GFRA1: variants seen among roughly 807,000 people sequenced by gnomAD.
GFRA1 encodes the protein GDNF family receptor alpha 1.
In GFRA1, 16 loss-of-function variants were observed where a neutral mutation model predicts 51.6. The observed-to-expected ratio is 0.31, with a 90% CI of 0.21 to 0.47. The LOEUF (loss-of-function observed/expected upper bound fraction) is 0.47, where lower values mean the gene tolerates loss of function less well. Ranked by LOEUF, GFRA1 falls within the 20% of genes least tolerant of loss-of-function variation. The pLI is 1.00. For synonymous variants in GFRA1, 270 were observed against 241.3 expected (o/e 1.12, Z -1.10); for missense variants, 530 against 594.3 (o/e 0.89, Z 1.13).
chr10:116,265,486 C>G (rs968996379), intron 4 of GFRA1, among the ~76,000 whole-genome samples: 2 of 152,158 alleles, frequency 1.3e-5, no homozygotes, highest in Non-Finnish European at 2.9e-5. Flanking sequence ...TTAGCACTCA[C>G]TGTATTTTCA....
chr10:116,073,398 C>T (rs1232590806), intron 9 of GFRA1, among the ~76,000 whole-genome samples: 1 of 152,146 alleles, frequency 6.6e-6, no homozygotes, highest in Non-Finnish European at 1.5e-5. Context: ...TATTAGAGAA[C>T]TGTTTGTTTT....
chr10:116,084,869 C>A (rs571238863), intron 9 of GFRA1, among the ~76,000 whole-genome samples: 2 of 151,596 alleles, frequency 1.3e-5, no homozygotes, highest in East Asian at 3.9e-4. Flanking sequence ...CTCCAGTGCA[C>A]GGAAGATGAA....
chr10:116,265,572 C>T (rs1233335759), intron 4 of GFRA1, among the ~76,000 whole-genome samples: 2 of 152,214 alleles, frequency 1.3e-5, no homozygotes, highest in Admixed American at 6.5e-5. Flanking sequence ...CCTTTCAAAT[C>T]CCTGTTTACT....
intron 4 of GFRA1, among the ~76,000 whole-genome samples, chr10:116,215,941 T>C (rs947623677): frequency 6.6e-6 from 1 of 152,056 alleles, no homozygotes; most frequent in Non-Finnish European, 1.5e-5. Context: ...AGGGCGTGTA[T>C]AAGTTGGTGA....
At chr10:116,238,447 A>T (rs1967082250) in intron 4 of GFRA1, among the ~76,000 whole-genome samples, 1 of 152,210 alleles carries the variant, frequency 6.6e-6, no homozygotes, top group Non-Finnish European at 1.5e-5. Context: ...CAGAATGTGC[A>T]CGTCACATAT....
At chr10:116,106,768 A>G (rs974488226) in intron 6 of GFRA1, among the ~76,000 whole-genome samples, 1 of 151,878 alleles carries the variant, frequency 6.6e-6, no homozygotes, top group Non-Finnish European at 1.5e-5. Flanking sequence ...TCCAAATCTC[A>G]TGTTGAGATG....
chr10:116,212,160 AT>A (rs1303656949), intron 4 of GFRA1, among the ~76,000 whole-genome samples: 2 of 152,046 alleles, frequency 1.3e-5, no homozygotes, highest in East Asian at 1.9e-4. Flanking sequence ...AAATGAATGT[AT>A]TTTTTTCAAC....
At chr10:116,067,612 A>C (rs111934348) in intron 9 of GFRA1, among the ~76,000 whole-genome samples, 1,829 of 152,328 alleles carry the variant, frequency 0.012, 38 homozygotes, top group African/African-American at 0.042. Flanking sequence ...TGTGACACTC[A>C]TTAGCTATAC....
intron 6 of GFRA1, among the ~76,000 whole-genome samples, chr10:116,105,053 T>C (rs573466777): frequency 6.6e-6 from 1 of 152,344 alleles, no homozygotes; most frequent in East Asian, 1.9e-4. Context: ...ACCCATACTA[T>C]GCTATGTCCA....
At chr10:116,118,397 G>A (rs1957513948) in intron 6 of GFRA1, among the ~76,000 whole-genome samples, 3 of 152,164 alleles carry the variant, frequency 2.0e-5, no homozygotes, top group Admixed American at 2.0e-4. Flanking sequence ...TGACACAGGA[G>A]GCCCCAATAT....
At position 116,089,897 on chromosome 10, in the gene GFRA1, A is replaced by G. The variant is rs1224330275; in HGVS notation, c.1041T>C (p.Asn347=). 19 of 1,613,796 alleles carry G rather than the reference A, an allele frequency of 1.2e-5. No homozygotes were observed. Among genetic ancestry groups the G allele is most frequent in the Non-Finnish European group, 1.5e-5 (18 of 1,179,906 alleles). ...CLKNAIQAFG[N]GSDVTVWQPA... is the part of the protein sequence containing the mutation. ...GCTGCCACACGGTCACATCGGAGCC[A>G]TTGCCAAAGGCTTGAATTGCATTTT... The change falls in exon 9 of 11, where the codon AAT becomes AAC. Residue 347 remains asparagine (N), a synonymous_variant. Coordinates refer to ENST00000355422, the MANE Select transcript of GFRA1 (RefSeq NM_005264.8).
intron 5 of GFRA1, among the ~76,000 whole-genome samples, chr10:116,197,164 G>A (rs913411206): frequency 6.6e-5 from 10 of 152,026 alleles, no homozygotes; most frequent in Admixed American, 5.9e-4. Context: ...CCTAATCACC[G>A]AGGCAACAGT....
intron 6 of GFRA1, among the ~76,000 whole-genome samples, chr10:116,119,012 G>C (rs533382354): frequency 6.6e-6 from 1 of 152,284 alleles, no homozygotes; most frequent in Non-Finnish European, 1.5e-5. Context: ...GCAGGTCATA[G>C]CTGGGCAGGT....
intron 6 of GFRA1, among the ~76,000 whole-genome samples, chr10:116,107,433 T>A (rs887604433): frequency 6.6e-6 from 1 of 152,228 alleles, no homozygotes; most frequent in Non-Finnish European, 1.5e-5. Context: ...GATCCCCTTT[T>A]TTAAGGTCTT....
chr10:116,157,430 C>T lies in GFRA1; in HGVS notation c.434-31873G>A, dbSNP rs141747071. On this transcript the variant is annotated intron_variant, in intron 5 of 10. Transcript: ENST00000355422. ...GGGCATACCCAGCACACCAGCAGTC[C>T]GGTGACTGGCAGCTAAAAGCACCAT... Among the ~76,000 whole-genome samples, 34 of 152,340 alleles carry T rather than the reference C, an allele frequency of 2.2e-4. 1 individual carries two copies. In the East Asian group the frequency reaches 5.0e-3, roughly 22 times the overall value.
chr10:116,262,065 G>T (rs1969341938), intron 4 of GFRA1, among the ~76,000 whole-genome samples: 1 of 152,090 alleles, frequency 6.6e-6, no homozygotes, highest in Non-Finnish European at 1.5e-5. Context: ...GACATCCCTT[G>T]GAAAGAACAA....
rs1958863405 is a variant in GFRA1 at position 116,147,590 on chromosome 10, CAT to C, written c.434-22035_434-22034del. ...ACAAGTCACTTCACGTCAGCTGGCACATGTCAAAGAATGACACAGAAAGCTGC... is the reference window on the plus strand; with the variant it reads ...ACAAGTCACTTCACGTCAGCTGGCACGTCAAAGAATGACACAGAAAGCTGC... On this transcript the variant is annotated intron_variant, in intron 5 of 10. Transcript: ENST00000355422. 6.6e-5 allele frequency among the ~76,000 whole-genome samples: 10 copies of C among 152,296 alleles called. No homozygotes were observed. The South Asian group carries it at 2.1e-3, about 32-fold the overall frequency.
chr10:116,187,786 C>T (rs1042935396), intron 5 of GFRA1, among the ~76,000 whole-genome samples: 9 of 152,056 alleles, frequency 5.9e-5, no homozygotes, highest in Non-Finnish European at 8.8e-5. Context: ...TCAACATTGG[C>T]CATGGAAAAT....
At chr10:116,170,509 T>C (rs965222806) in intron 5 of GFRA1, among the ~76,000 whole-genome samples, 1 of 152,202 alleles carries the variant, frequency 6.6e-6, no homozygotes, top group Non-Finnish European at 1.5e-5. Context: ...ACCTGTACCC[T>C]ATTTGTTACT....
Sources: allele counts gnomAD v4.1 joint callset (sites outside exome capture counted in the v4.1 genomes callset), GRCh38; gene constraint gnomAD v4.1.1; transcripts MANE v1.5; gene names NCBI Gene and HGNC (gene_info 2026-07-23, HGNC 2026-07-21).